MAPT: variants seen among roughly 807,000 people sequenced by gnomAD.
MAPT encodes microtubule-associated protein tau.
Under a neutral mutation model 67.9 loss-of-function variants are expected in MAPT, and 34 were observed. That is an observed-to-expected ratio of 0.50 (90% CI 0.38 to 0.67). The LOEUF (loss-of-function observed/expected upper bound fraction) is 0.67. Ranked by LOEUF, MAPT falls within the 30% of genes least tolerant of loss-of-function variation. MAPT has a pLI of 0.00. For missense variants in MAPT, 881 were observed against 1,115.2 expected, an observed-to-expected ratio of 0.79 and a Z score of 2.99; for synonymous variants, 456 against 464.5, an observed-to-expected ratio of 0.98 and a Z score of 0.23.
At chr17:45,957,167 C>T (rs1039273427) in intron 1 of MAPT, among the ~76,000 whole-genome samples, 2 of 152,054 alleles carry the variant, frequency 1.3e-5, no homozygotes, top group Admixed American at 1.3e-4. Context: ...CCTGAGGAAT[C>T]GCCACACTGT....
rs773762393 is a variant in MAPT at position 45,962,445 on chromosome 17, G to A, written c.108G>A (p.Glu36=). The A allele has an allele frequency of 1.2e-6, 2 of 1,612,902 alleles. No homozygotes were observed. Among genetic ancestry groups the A allele is most frequent in the Non-Finnish European group, 8.5e-7 (1 of 1,179,938 alleles). ...QGGYTMHQDQ[E]GDTDAGLKES... is the part of the protein sequence containing the mutation. ...GCTACACCATGCACCAAGACCAAGA[G>A]GGTGACACGGACGCTGGCCTGAAAG... The change falls in exon 2 of 13, where the codon GAG becomes GAA. Residue 36 remains glutamate (E), a synonymous_variant. Coordinates refer to ENST00000262410, the MANE Select transcript of MAPT (RefSeq NM_001377265.1).
chr17:45,984,074 A>C, intron 5 of MAPT, 144 bp downstream of exon 5: 1 of 733,934 alleles, frequency 1.4e-6, no homozygotes, highest in Non-Finnish European at 2.3e-6. Flanking sequence ...ACCTGGGTGC[A>C]GCTGCTCCAC....
At chr17:45,998,196 G>A (rs2074666587) in intron 9 of MAPT, among the ~76,000 whole-genome samples, 1 of 152,104 alleles carries the variant, frequency 6.6e-6, no homozygotes, top group Non-Finnish European at 1.5e-5. Flanking sequence ...TGGACGGAGG[G>A]TGGCCACCAG....
intron 4 of MAPT, among the ~76,000 whole-genome samples, chr17:45,981,660 G>A (rs1197680232): frequency 1.3e-5 from 2 of 152,152 alleles, no homozygotes; most frequent in East Asian, 3.8e-4. Flanking sequence ...ACACATTTTG[G>A]ATTTTCCAAA....
At chr17:45,980,393 T>G (rs2072816218) in intron 4 of MAPT, 1 of 130,192 alleles carries the variant, frequency 7.7e-6, no homozygotes, top group African/African-American at 2.6e-5. Flanking sequence ...CCCAGCTACA[T>G]GGGAGGAGTA....
intron 1 of MAPT, among the ~76,000 whole-genome samples, chr17:45,903,839 T>TTTTTATATATTATATATTATATA (rs1555673591): frequency 0.64 from 11,395 of 17,890 alleles, 2,579 homozygotes; most frequent in South Asian, 0.66. Context: ...ATATTATATA[T>TTTTTATATATTATATATTATATA]TTTATATATT....
At chr17:45,951,411 C>T (rs1304149886) in intron 1 of MAPT, among the ~76,000 whole-genome samples, 2 of 152,168 alleles carry the variant, frequency 1.3e-5, no homozygotes, top group Admixed American at 6.5e-5. Context: ...CTATGGGTAG[C>T]GGCAGCAGTG....
At chr17:45,964,331 A>ATG (rs2145342813) in intron 2 of MAPT, among the ~76,000 whole-genome samples, 1 of 149,456 alleles carries the variant, frequency 6.7e-6, no homozygotes, top group South Asian at 2.2e-4. Flanking sequence ...TACATTAGGT[A>ATG]TATCTCCTAA....
chr17:45,993,875 C>T, intron 8 of MAPT: 2 of 1,538,724 alleles, frequency 1.3e-6, no homozygotes, highest in Non-Finnish European at 8.8e-7. Flanking sequence ...CATTAAGGCC[C>T]TGTTTAAGCC....
At position 45,896,028 on chromosome 17, in the gene MAPT, A is replaced by T. The variant is rs1202863901; in HGVS notation, c.-18+1342A>T. 1 of 152,160 alleles carries T rather than the reference A, an allele frequency of 6.6e-6. No individual in the cohort carries two copies. Among genetic ancestry groups the T allele is most frequent in the Non-Finnish European group, 1.5e-5 (1 of 68,106 alleles). 9.4% of individuals were successfully genotyped at this position (152,160 alleles called of 1,614,324 possible). ...CTCCCAGCCCTGGTTTCTGGCTTTT[A>T]TTCTGAGGGTGTTCAGTCAACCTCC... On this transcript the variant is annotated intron_variant, in intron 1 of 12. Coordinates refer to ENST00000262410, the MANE Select transcript of MAPT (RefSeq NM_001377265.1). This position sits in a 1 kb window ranked among gnomAD's most constrained non-coding sequence, Gnocchi z 5.6.
chr17:46,010,251 C>T lies in MAPT; in HGVS notation c.1999-59C>T, dbSNP rs1190158734. 10 of 1,211,534 alleles carry T rather than the reference C, an allele frequency of 8.3e-6. No homozygotes were observed. The highest frequency in any genetic ancestry group is 2.5e-5 in the East Asian group (1 of 39,404). 75.0% of individuals were successfully genotyped at this position (1,211,534 alleles called of 1,614,324 possible). Reference sequence around the variant, plus strand: ...CTCATCGAAAGTGGAGGCGTCCTTGCGAGCAAGCAGGCGGGTCCAGGGTGG... The same window carrying T: ...CTCATCGAAAGTGGAGGCGTCCTTGTGAGCAAGCAGGCGGGTCCAGGGTGG... On this transcript the variant is annotated intron_variant, in intron 9 of 12. Transcript: ENST00000262410. The surrounding 1 kb of genome is among the most constrained non-coding windows in gnomAD (Gnocchi z 4.7).
intron 5 of MAPT, among the ~76,000 whole-genome samples, chr17:45,984,593 G>GC (rs2073355821): frequency 6.6e-6 from 1 of 152,228 alleles, no homozygotes; most frequent in Admixed American, 6.5e-5. Flanking sequence ...CCAGTGCCCT[G>GC]CCCCCACCCA....
At chr17:45,921,183 A>G (rs1474947445) in intron 1 of MAPT, among the ~76,000 whole-genome samples, 5 of 152,150 alleles carry the variant, frequency 3.3e-5, no homozygotes, top group Admixed American at 6.5e-5. Flanking sequence ...TTCTCCTTTT[A>G]GGTTTGGGTG....
At chr17:45,985,985 A>T (rs1428248128) in intron 5 of MAPT, among the ~76,000 whole-genome samples, 1 of 152,230 alleles carries the variant, frequency 6.6e-6, no homozygotes, top group Non-Finnish European at 1.5e-5. Context: ...TGTGATATTG[A>T]AACCAAAGAA....
rs2064306484 is a variant in MAPT, at chr17:45,906,299, T to C, written c.-18+11613T>C. On this transcript the variant is annotated intron_variant, in intron 1 of 12. Coordinates refer to ENST00000262410, the MANE Select transcript of MAPT (RefSeq NM_001377265.1). The surrounding 1 kb of genome is among the most constrained non-coding windows in gnomAD (Gnocchi z 4.3). ...CTGTTTTTTCTGGAGTTTTCAGTTT[T>C]TTCCTAACCAGACAGGGACTTGGTA... Among the ~76,000 whole-genome samples the C allele has an allele frequency of 6.6e-6, 1 of 152,202 alleles. No homozygotes were observed. The highest frequency in any genetic ancestry group is 2.4e-5 in the African/African-American group (1 of 41,456).
At chr17:46,018,161 A>C (rs932811214) in intron 11 of MAPT, among the ~76,000 whole-genome samples, 3 of 151,994 alleles carry the variant, frequency 2.0e-5, no homozygotes, top group Non-Finnish European at 2.9e-5. Flanking sequence ...AAAAAAAAAA[A>C]AACAGACTTT....
intron 2 of MAPT, among the ~76,000 whole-genome samples, chr17:45,967,742 G>C (rs925239992): frequency 1.3e-5 from 2 of 152,098 alleles, no homozygotes; most frequent in African/African-American, 4.8e-5. Context: ...CAGGTGGAGT[G>C]CCTTTCTCGG....
chr17:45,949,665 C>T (rs959690924), intron 1 of MAPT, among the ~76,000 whole-genome samples: 1 of 152,126 alleles, frequency 6.6e-6, no homozygotes, highest in African/African-American at 2.4e-5. Flanking sequence ...GTGAGTGGCT[C>T]ATCCTGAGGG....
intron 1 of MAPT, among the ~76,000 whole-genome samples, chr17:45,916,119 A>T (rs2065188313): frequency 6.6e-6 from 1 of 152,148 alleles, no homozygotes; most frequent in Non-Finnish European, 1.5e-5. Flanking sequence ...ACATTCCCGG[A>T]GGGACTGAGA....
Sources: allele counts gnomAD v4.1 joint callset (sites outside exome capture counted in the v4.1 genomes callset), GRCh38; gene constraint gnomAD v4.1.1; non-coding constraint Gnocchi (gnomAD v3.1); transcripts MANE v1.5; gene names NCBI Gene and HGNC (gene_info 2026-07-23, HGNC 2026-07-21).